Variants in LMO7 observed in about 807,000 individuals in gnomAD.
The protein encoded by LMO7 is LIM domain only protein 7.
LMO7 carries 120 observed loss-of-function variants against 206.5 expected under a neutral mutation model. The observed-to-expected ratio is 0.58, with a 90% confidence interval of 0.50 to 0.68. The LOEUF (loss-of-function observed/expected upper bound fraction) is 0.68, where lower values mean the gene tolerates loss of function less well. LMO7 is among the 30% of genes least tolerant of loss of function. The pLI, the probability that LMO7 is intolerant of heterozygous loss-of-function variation, is 0.00. For synonymous variants in LMO7, 706 were observed against 681.5 expected (o/e 1.04, Z -0.56); for missense variants, 1,959 against 1,957.9 (o/e 1.00, Z -0.01).
At chr13:75,742,126 T>C (rs1287330497) in intron 3 of LMO7, among the ~76,000 whole-genome samples, 1 of 152,092 alleles carries the variant, frequency 6.6e-6, no homozygotes, top group African/African-American at 2.4e-5. Context: ...CCATTCACAG[T>C]TGCCACAAAA....
intron 3 of LMO7, chr13:75,760,387 C>T: frequency 1.9e-6 from 2 of 1,063,036 alleles, no homozygotes; most frequent in Non-Finnish European, 2.3e-6. Flanking sequence ...TATGGTTTCC[C>T]TGCCTGTCAA....
chr13:75,693,717 A>G (rs948476895), intron 1 of LMO7, among the ~76,000 whole-genome samples: 2 of 152,144 alleles, frequency 1.3e-5, no homozygotes, highest in Non-Finnish European at 2.9e-5. Flanking sequence ...CCCCCAGCGT[A>G]GGTGCCATCT....
In LMO7 at chr13:75,795,419, G is replaced by A. The variant is rs1255138349; in HGVS notation, c.336G>A (p.Arg112=). Residue 112 remains arginine, a synonymous_variant, in exon 5 of 31, where the codon AGG becomes AGA. Coordinates refer to ENST00000377534, the MANE Select transcript of LMO7 (RefSeq NM_001306080.2). The part of the protein sequence containing the change: ...RVTVKQEETD[R]RVKNVLITLY... Reference sequence around the variant, plus strand: ...TTTACAGGCAAGAAGAGACTGACAGGAGAGTGAAAAATGTAAGATACATTT... The same window carrying A: ...TTTACAGGCAAGAAGAGACTGACAGAAGAGTGAAAAATGTAAGATACATTT... 6.9e-6 allele frequency: 11 copies of A among 1,590,638 alleles called. No homozygotes were observed. The highest frequency in any genetic ancestry group is 8.6e-6 in the Non-Finnish European group (10 of 1,163,398).
chr13:75,669,276 A>C (rs1376383205), intron 1 of LMO7, among the ~76,000 whole-genome samples: 1 of 152,070 alleles, frequency 6.6e-6, no homozygotes, highest in Non-Finnish European at 1.5e-5. Context: ...TTCTGGGGAG[A>C]AGTCTCATAG....
chr13:75,745,168 A>G (rs1228528234), intron 3 of LMO7, among the ~76,000 whole-genome samples: 1 of 152,092 alleles, frequency 6.6e-6, no homozygotes, highest in African/African-American at 2.4e-5. Flanking sequence ...CAGACAGAGG[A>G]ACAGAGAGGG....
chr13:75,831,814 C>A (rs185230890), intron 15 of LMO7, among the ~76,000 whole-genome samples: 1 of 152,176 alleles, frequency 6.6e-6, no homozygotes, highest in African/African-American at 2.4e-5. Flanking sequence ...GGTAACACTT[C>A]CCAGCACTAC....
At chr13:75,647,081 G>T (rs2037095487) in intron 1 of LMO7, among the ~76,000 whole-genome samples, 2 of 151,666 alleles carry the variant, frequency 1.3e-5, no homozygotes, top group African/African-American at 4.9e-5. Context: ...GTGTGTGTGT[G>T]TGTGTCTATG....
At chr13:75,638,514 A>G (rs142829034) in intron 1 of LMO7, among the ~76,000 whole-genome samples, 9 of 152,306 alleles carry the variant, frequency 5.9e-5, no homozygotes, top group African/African-American at 2.2e-4. Context: ...GTTAGCAGAG[A>G]GCTGGATCTT....
intron 4 of LMO7, among the ~76,000 whole-genome samples, chr13:75,781,919 T>C (rs2140335637): frequency 6.6e-6 from 1 of 152,346 alleles, no homozygotes; most frequent in East Asian, 1.9e-4. Context: ...GCTGCATAAA[T>C]ATCTTCTTTT....
At chr13:75,655,512 G>A (rs757343984) in intron 1 of LMO7, among the ~76,000 whole-genome samples, 2 of 151,832 alleles carry the variant, frequency 1.3e-5, no homozygotes, top group Non-Finnish European at 2.9e-5. Context: ...GATCTTTGCA[G>A]AGTCTTTCCA....
At chr13:75,703,859 A>G (rs1278677175) in intron 1 of LMO7, among the ~76,000 whole-genome samples, 1 of 152,138 alleles carries the variant, frequency 6.6e-6, no homozygotes, top group Non-Finnish European at 1.5e-5. Flanking sequence ...GGTAGGAGAT[A>G]TTTATTCCAT....
intron 3 of LMO7, among the ~76,000 whole-genome samples, chr13:75,740,337 C>T (rs1378938332): frequency 1.3e-5 from 2 of 152,196 alleles, no homozygotes; most frequent in Non-Finnish European, 2.9e-5. Flanking sequence ...GCCTGTAATC[C>T]CAGCCCTCTG....
chr13:75,727,250 A>T (rs2044562565), intron 3 of LMO7, 152 bp downstream of exon 3: 4 of 471,218 alleles, frequency 8.5e-6, no homozygotes, highest in Non-Finnish European at 1.5e-5. Flanking sequence ...TCCTCCTTTT[A>T]TCTGCAGTTC....
chr13:75,788,944 C>G (rs2052848721), intron 4 of LMO7: 1 of 152,310 alleles, frequency 6.6e-6, no homozygotes, highest in Non-Finnish European at 1.5e-5. Flanking sequence ...TGCAGTTGTT[C>G]TGGGCAACAA....
intron 26 of LMO7, among the ~76,000 whole-genome samples, chr13:75,847,994 A>G (rs2060131023): frequency 6.6e-6 from 1 of 152,158 alleles, no homozygotes; most frequent in African/African-American, 2.4e-5. Context: ...GCAATTTCAA[A>G]TACACTTTAT....
chr13:75,821,100 T>G, intron 13 of LMO7, 77 bp from the exon 14 acceptor site: 1 of 1,100,096 alleles, frequency 9.1e-7, no homozygotes, highest in Non-Finnish European at 1.3e-6. Context: ...GTCCGTTTCA[T>G]GCGTTGATTA....
chr13:75,793,936 T>C (rs775190929), intron 4 of LMO7, among the ~76,000 whole-genome samples: 6 of 151,854 alleles, frequency 4.0e-5, no homozygotes, highest in African/African-American at 4.9e-5. Context: ...TCTTTTGCTT[T>C]TGGCTTCTTT....
At chr13:75,783,071 CTT>C (rs1566450377) in intron 4 of LMO7, among the ~76,000 whole-genome samples, 1 of 152,106 alleles carries the variant, frequency 6.6e-6, no homozygotes, top group Non-Finnish European at 1.5e-5. Flanking sequence ...AAAATGGAAT[CTT>C]TTTCTGTAGC....
intron 3 of LMO7, among the ~76,000 whole-genome samples, chr13:75,728,040 G>C (rs535482784): frequency 2.8e-4 from 42 of 152,092 alleles, no homozygotes; most frequent in Admixed American, 2.2e-3. Context: ...GGACATTTGG[G>C]TTGGTTCCAA....
Sources: gnomAD v4.1 joint callset for allele counts (sites outside exome capture counted in the v4.1 genomes callset) on GRCh38, gnomAD v4.1.1 for gene constraint, MANE v1.5 for transcripts, NCBI Gene and HGNC (gene_info 2026-07-23, HGNC 2026-07-21) for gene names.